ATXN7L1: variants seen among roughly 807,000 people sequenced by gnomAD.
The protein encoded by ATXN7L1 is ataxin-7-like protein 1.
ATXN7L1 carries 15 observed loss-of-function variants against 70.8 expected under a neutral mutation model. The ratio of observed to expected loss-of-function variants is 0.21; its 90% CI spans 0.14 to 0.33. The LOEUF (loss-of-function observed/expected upper bound fraction) is 0.33. Among genes scored for constraint, ATXN7L1 ranks in the 10% least tolerant of loss-of-function variants. ATXN7L1 has a pLI of 1.00. For synonymous variants in ATXN7L1, 440 were observed against 445.1 expected, an observed-to-expected ratio of 0.99 and a Z score of 0.14; for missense variants, 975 against 1,097.1, an observed-to-expected ratio of 0.89 and a Z score of 1.57.
chr7:105,812,303 C>T (rs931711495), intron 2 of ATXN7L1, among the ~76,000 whole-genome samples: 6 of 152,278 alleles, frequency 3.9e-5, no homozygotes, highest in South Asian at 2.1e-4. Context: ...TTGGAGTCAA[C>T]GAAAACATAT....
At chr7:105,615,028 C>T (rs1352013496) in intron 9 of ATXN7L1, among the ~76,000 whole-genome samples, 1 of 152,006 alleles carries the variant, frequency 6.6e-6, no homozygotes, top group African/African-American at 2.4e-5. Flanking sequence ...ATTTTCATCA[C>T]GCACAGTCTT....
intron 3 of ATXN7L1, among the ~76,000 whole-genome samples, chr7:105,681,286 G>C (rs1445239986): frequency 6.6e-6 from 1 of 152,152 alleles, no homozygotes. Context: ...TTAGCTGGGT[G>C]TGGTGGTGGG....
intron 4 of ATXN7L1, among the ~76,000 whole-genome samples, chr7:105,662,076 TTCCTTC>T (rs1260761631): frequency 1.1e-5 from 1 of 87,724 alleles, no homozygotes; most frequent in Non-Finnish European, 2.6e-5. Context: ...CCTTCCTTCC[TTCCTTC>T]TTTCTTTTCT....
chr7:105,666,102 T>C (rs779611103), intron 3 of ATXN7L1, among the ~76,000 whole-genome samples: 3 of 152,180 alleles, frequency 2.0e-5, no homozygotes, highest in Non-Finnish European at 4.4e-5. Context: ...AGTTCTAGTG[T>C]GCACCCGCTA....
At chr7:105,625,115 T>C (rs971328792) in intron 7 of ATXN7L1, among the ~76,000 whole-genome samples, 2 of 152,224 alleles carry the variant, frequency 1.3e-5, no homozygotes, top group Non-Finnish European at 2.9e-5. Flanking sequence ...GAAACTGTTA[T>C]ACTGGCATGA....
At chr7:105,682,457 TC>T (rs1437655451) in intron 3 of ATXN7L1, among the ~76,000 whole-genome samples, 1 of 152,144 alleles carries the variant, frequency 6.6e-6, no homozygotes, top group Non-Finnish European at 1.5e-5. Context: ...AAACAGATAC[TC>T]ACACAAATCC....
At chr7:105,867,798 G>C (rs1485436541) in intron 2 of ATXN7L1, among the ~76,000 whole-genome samples, 1 of 152,178 alleles carries the variant, frequency 6.6e-6, no homozygotes. Context: ...TTCTCTATCA[G>C]AGCGATTTGT....
intron 2 of ATXN7L1, among the ~76,000 whole-genome samples, chr7:105,833,324 G>A (rs182690818): frequency 6.6e-6 from 1 of 152,222 alleles, no homozygotes; most frequent in East Asian, 1.9e-4. Context: ...GCCCCTACTA[G>A]ATCGTAGGTG....
In ATXN7L1 at chr7:105,672,925, T is replaced by C. The variant is rs1303362927; in HGVS notation, c.356-7637A>G. Among the ~76,000 whole-genome samples the C allele has an allele frequency of 6.6e-5, 10 of 152,246 alleles. No homozygotes were observed. In the East Asian group the frequency reaches 1.9e-3, roughly 29 times the overall value. ...AATGAAAAGCCAAATCCTTTTACTTTTGTGCATTTCCACCACAGGAAGTCC... is the reference window on the plus strand; with the variant it reads ...AATGAAAAGCCAAATCCTTTTACTTCTGTGCATTTCCACCACAGGAAGTCC... On this transcript the variant is annotated intron_variant, in intron 3 of 11. Coordinates refer to ENST00000419735, the MANE Select transcript of ATXN7L1 (RefSeq NM_020725.2).
intron 3 of ATXN7L1, among the ~76,000 whole-genome samples, chr7:105,773,894 A>G (rs1802362580): frequency 1.3e-5 from 2 of 152,118 alleles, no homozygotes; most frequent in African/African-American, 4.8e-5. Flanking sequence ...AAAATAAATG[A>G]TAGGACCGTA....
At position 105,727,746 on chromosome 7, in the gene ATXN7L1, G is replaced by GTATA. The variant is rs1232202676; in HGVS notation, c.355+60854_355+60857dup. ...CATAGGGGTGTGTGTGTGTATGTGT[G>GTATA]TATATATATATATATATATATATAT... On this transcript the variant is annotated intron_variant, in intron 3 of 11. Transcript: ENST00000419735. 3.4e-3 allele frequency among the ~76,000 whole-genome samples: 186 copies of GTATA among 55,324 alleles called. 4 individuals carry two copies. Among genetic ancestry groups the GTATA allele is most frequent in the Middle Eastern group, 0.026 (2 of 78 alleles). 36.3% of individuals were successfully genotyped at this position (55,324 alleles called of 152,430 possible).
chr7:105,660,576 C>CTTTTTTTTTTTTTT (rs34008024), intron 4 of ATXN7L1, among the ~76,000 whole-genome samples: 4 of 78,140 alleles, frequency 5.1e-5, no homozygotes, highest in African/African-American at 1.1e-4. Flanking sequence ...CGGAAGTGAC[C>CTTTTTTTTTTTTTT]TTTTTTTTTT....
chr7:105,683,257 A>G (rs1351118496), intron 3 of ATXN7L1, among the ~76,000 whole-genome samples: 1 of 152,262 alleles, frequency 6.6e-6, no homozygotes, highest in Non-Finnish European at 1.5e-5. Flanking sequence ...TTCTGAGTTT[A>G]CATCCTCCCT....
chr7:105,772,214 C>T (rs939490300), intron 3 of ATXN7L1, among the ~76,000 whole-genome samples: 50 of 152,076 alleles, frequency 3.3e-4, no homozygotes, highest in African/African-American at 1.2e-3. Flanking sequence ...GCTGGGATTA[C>T]AGGCACATGC....
chr7:105,875,418 T>G (rs1019232473), intron 2 of ATXN7L1, among the ~76,000 whole-genome samples: 4 of 152,168 alleles, frequency 2.6e-5, no homozygotes, highest in Admixed American at 6.5e-5. Context: ...ACTGACCATG[T>G]GGGGTTCATT....
At chr7:105,733,730 C>T (rs1796987458) in intron 3 of ATXN7L1, among the ~76,000 whole-genome samples, 1 of 144,572 alleles carries the variant, frequency 6.9e-6, no homozygotes, top group Non-Finnish European at 1.5e-5. Context: ...ATCCATCCTT[C>T]CATCCATCCA....
At position 105,659,122 on chromosome 7, in the gene ATXN7L1, G is replaced by T. The variant is rs147157630; in HGVS notation, c.578+5944C>A. On this transcript the variant is annotated intron_variant, in intron 4 of 11. Transcript: ENST00000419735. ...ACTGTACTCCAATCTGGGTGACACA[G>T]CAGGACTCCGACTCAAAAAAAAAAT... is the stretch of plus-strand genomic sequence containing the variant. Among the ~76,000 whole-genome samples the T allele has an allele frequency of 2.6e-5, 4 of 151,448 alleles. No individual in the cohort carries two copies. The East Asian group carries it at 7.7e-4, about 29-fold the overall frequency.
chr7:105,824,154 A>G (rs1810531696), intron 2 of ATXN7L1, among the ~76,000 whole-genome samples: 1 of 152,210 alleles, frequency 6.6e-6, no homozygotes, highest in African/African-American at 2.4e-5. Context: ...GAAAAAACAG[A>G]GAGGAATTCT....
At chr7:105,852,248 T>C (rs1814993521) in intron 2 of ATXN7L1, among the ~76,000 whole-genome samples, 1 of 152,192 alleles carries the variant, frequency 6.6e-6, no homozygotes, top group Non-Finnish European at 1.5e-5. Context: ...ATCTCACAGA[T>C]GGAGATCACC....
Sources: gnomAD v4.1 joint callset for allele counts (sites outside exome capture counted in the v4.1 genomes callset) on GRCh38, gnomAD v4.1.1 for gene constraint, MANE v1.5 for transcripts, NCBI Gene and HGNC (gene_info 2026-07-23, HGNC 2026-07-21) for gene names.